SLC6A5: variants seen among roughly 807,000 people sequenced by gnomAD.
The protein encoded by SLC6A5 is solute carrier family 6 member 5.
A neutral mutation model predicts 90.5 loss-of-function variants in SLC6A5; 58 were observed. The ratio of observed to expected loss-of-function variants is 0.64; its 90% CI spans 0.52 to 0.80. SLC6A5 has a LOEUF of 0.80. Ranked by LOEUF, SLC6A5 falls within the 30% of genes least tolerant of loss-of-function variation. The pLI, the probability that SLC6A5 is intolerant of heterozygous loss-of-function variation, is 0.00. For synonymous variants in SLC6A5, 427 were observed against 401.4 expected, an observed-to-expected ratio of 1.06 and a Z score of -0.76; for missense variants, 1,015 against 1,017.6, an observed-to-expected ratio of 1.00 and a Z score of 0.03.
Position 20,599,683 on chromosome 11 carries a change from T to A in SLC6A5, c.3+8T>A, listed in dbSNP as rs756674386. The A allele has an allele frequency of 1.3e-5, 21 of 1,613,938 alleles. No individual in the cohort carries two copies. Among genetic ancestry groups the A allele is most frequent in the Middle Eastern group, 3.3e-4 (2 of 6,084 alleles). On this transcript the variant is annotated splice_region_variant and intron_variant, in intron 1 of 15. Transcript: ENST00000525748. Reference sequence around the variant, plus strand: ...TTGCCTGTGTCAGACATGGTGAGTGTTTGCTTTTGTTCTTTCAAGAGGAAA... The same window carrying A: ...TTGCCTGTGTCAGACATGGTGAGTGATTGCTTTTGTTCTTTCAAGAGGAAA...
chr11:20,615,543 A>G (rs1852768966), intron 6 of SLC6A5, among the ~76,000 whole-genome samples: 1 of 151,922 alleles, frequency 6.6e-6, no homozygotes, highest in South Asian at 2.1e-4. Flanking sequence ...AATTTTTTGT[A>G]CTTTTAGTAG....
In SLC6A5 at chr11:20,607,141, G is replaced by A. The variant is rs1555039131; in HGVS notation, c.811+3G>A. ...GAAGGCCATCCCAGCTCTACAAGGT[G>A]AGTCCAGCCTGCCGCTCAGCCTCCT... On this transcript the variant is annotated splice_donor_region_variant and intron_variant, in intron 4 of 15. Coordinates refer to ENST00000525748, the MANE Select transcript of SLC6A5 (RefSeq NM_004211.5). The A allele has an allele frequency of 3.1e-6, 5 of 1,611,744 alleles. No individual in the cohort carries two copies. The highest frequency in any genetic ancestry group is 4.2e-6 in the Non-Finnish European group (5 of 1,178,928).
intron 13 of SLC6A5, among the ~76,000 whole-genome samples, chr11:20,644,493 AT>A (rs1300176373): frequency 2.6e-5 from 4 of 152,224 alleles, no homozygotes; most frequent in Non-Finnish European, 5.9e-5. Flanking sequence ...ATGTGCACTT[AT>A]GTTGATTCCA....
At chr11:20,607,389 G>GCCTAGACCT in intron 4 of SLC6A5, 90 bp from the exon 5 acceptor site, 2 of 1,440,832 alleles carry the variant, frequency 1.4e-6, no homozygotes, top group Non-Finnish European at 2.0e-6. Context: ...GTACAAGAGA[G>GCCTAGACCT]CCTAGACCTA....
chr11:20,637,082 A>G (rs897544867), intron 11 of SLC6A5, 90 bp from the exon 12 acceptor site: 165 of 1,373,996 alleles, frequency 1.2e-4, no homozygotes, highest in Admixed American at 6.2e-4. Context: ...CACAAATACA[A>G]CTTTCCTGGA....
At chr11:20,604,465 C>A (rs1009548858) in intron 3 of SLC6A5, 41 bp downstream of exon 3, 15 of 1,550,920 alleles carry the variant, frequency 9.7e-6, no homozygotes, top group Non-Finnish European at 1.2e-5. Flanking sequence ...CGGGGCGGGG[C>A]GGGCACCTGA....
chr11:20,608,946 CTCTCTCTCTCTCTGTGTGTGTGTG>C lies in SLC6A5; in HGVS notation c.985+1296_985+1319del, dbSNP rs1365449288. ...TGTCTCTCTCTCTCTCTCTCTCTCT[CTCTCTCTCTCTCTGTGTGTGTGTG>C]TGTGTGTGTGTGTGTGTGTGTTTAA... On this transcript the variant is annotated intron_variant, in intron 5 of 15. Coordinates refer to ENST00000525748, the MANE Select transcript of SLC6A5 (RefSeq NM_004211.5). 1.9e-3 allele frequency among the ~76,000 whole-genome samples: 217 copies of C among 114,168 alleles called. 1 individual carries two copies. Among genetic ancestry groups the C allele is most frequent in the Non-Finnish European group, 3.1e-3 (172 of 56,150 alleles). The allele number at this position is 114,168 out of a possible 152,430, so 74.9% of individuals were successfully genotyped here. A position where few individuals can be genotyped will look rare whatever the true frequency, so the allele number is the denominator to read the frequency against.
intron 5 of SLC6A5, among the ~76,000 whole-genome samples, chr11:20,611,220 C>G (rs918047055): frequency 6.6e-6 from 1 of 152,116 alleles, no homozygotes; most frequent in Non-Finnish European, 1.5e-5. Context: ...CTTGGGAAGC[C>G]AAGGTGGATG....
chr11:20,648,836 T>A (rs1853471855), intron 14 of SLC6A5, among the ~76,000 whole-genome samples: 1 of 152,232 alleles, frequency 6.6e-6, no homozygotes, highest in Non-Finnish European at 1.5e-5. Flanking sequence ...TGTTGTGGTC[T>A]ATATGAGGCA....
In SLC6A5 at chr11:20,655,281, T is replaced by G. The variant is rs1426853815; in HGVS notation, c.*413T>G. The G allele has an allele frequency of 1.1e-5, 3 of 284,426 alleles. No individual in the cohort carries two copies. The Admixed American group carries it at 1.4e-4, about 13-fold the overall frequency. 17.6% of individuals were successfully genotyped at this position (284,426 alleles called of 1,614,324 possible). ...GACTTTATTTGGACTTGAACAGAAC[T>G]GAGCAATGTGGTGATCTTGTTCAGA... On this transcript the variant is annotated 3_prime_UTR_variant, in exon 16 of 16. Coordinates refer to ENST00000525748, the MANE Select transcript of SLC6A5 (RefSeq NM_004211.5).
intron 9 of SLC6A5, among the ~76,000 whole-genome samples, chr11:20,628,455 TCTC>T (rs1359139101): frequency 1.3e-5 from 2 of 152,296 alleles, no homozygotes; most frequent in Admixed American, 6.5e-5. Flanking sequence ...TGTGACCTAA[TCTC>T]CTCTTCTTAT....
At chr11:20,638,438 G>T in intron 12 of SLC6A5, 21 bp from the exon 13 acceptor site, 1 of 1,481,682 alleles carries the variant, frequency 6.7e-7, no homozygotes, top group Non-Finnish European at 9.4e-7. Flanking sequence ...TTTGATATTG[G>T]TTGTTTCTCT....
At chr11:20,650,570 G>A (rs1406802653) in intron 14 of SLC6A5, among the ~76,000 whole-genome samples, 1 of 151,612 alleles carries the variant, frequency 6.6e-6, no homozygotes, top group East Asian at 1.9e-4. Flanking sequence ...TGACATAAAG[G>A]TCCCCTCAGC....
chr11:20,630,750 T>C lies in SLC6A5; in HGVS notation c.1559T>C (p.Ile520Thr). ...ACAAGCATCTTTGCCGGCTTCGTCA[T>C]CTTCTCCGTTATCGGCTTCATGGCC... ...SATSIFAGFV[I>T]FSVIGFMANE... Residue 520 changes from isoleucine (I) to threonine (T), a missense_variant, in exon 10 of 16, where the codon ATC becomes ACC. Ile to Thr is a moderately conservative substitution (Grantham distance 89). Around this residue, in one of 3 missense-constraint regions of SLC6A5, gnomAD observed 442 missense variants for 494.3 expected, o/e 0.89. Coordinates refer to ENST00000525748, the MANE Select transcript of SLC6A5 (RefSeq NM_004211.5). 1 of 1,614,222 alleles carries C rather than the reference T, an allele frequency of 6.2e-7. No homozygotes were observed. Among genetic ancestry groups the C allele is most frequent in the Non-Finnish European group, 8.5e-7 (1 of 1,180,026 alleles).
chr11:20,646,940 G>A lies in SLC6A5; in HGVS notation c.2070+6G>A. The A allele has an allele frequency of 1.9e-6, 3 of 1,589,840 alleles. No individual in the cohort carries two copies. Among genetic ancestry groups the A allele is most frequent in the East Asian group, 2.2e-5 (1 of 44,740 alleles). On this transcript the variant is annotated splice_donor_region_variant and intron_variant, in intron 14 of 15. Coordinates refer to ENST00000525748, the MANE Select transcript of SLC6A5 (RefSeq NM_004211.5). ...TAACCCCAACCATTTTAACCGTAAGGATTTTGCATGTTTTCTTGTGCAGAC... is the reference window on the plus strand; with the variant it reads ...TAACCCCAACCATTTTAACCGTAAGAATTTTGCATGTTTTCTTGTGCAGAC...
chr11:20,634,567 A>G lies in SLC6A5; in HGVS notation c.1625-1740A>G, dbSNP rs142046070. 1.9e-3 allele frequency among the ~76,000 whole-genome samples: 291 copies of G among 152,340 alleles called. 1 individual carries two copies. Among genetic ancestry groups the G allele is most frequent in the African/African-American group, 6.7e-3 (279 of 41,582 alleles). Reference sequence around the variant, plus strand: ...GCTTTACGGGCCTGACTGTCGCCAGAACATTAAACTGACTTCCTTGTTGTT... The same window carrying G: ...GCTTTACGGGCCTGACTGTCGCCAGGACATTAAACTGACTTCCTTGTTGTT... On this transcript the variant is annotated intron_variant, in intron 10 of 15. Coordinates refer to ENST00000525748, the MANE Select transcript of SLC6A5 (RefSeq NM_004211.5).
chr11:20,605,342 T>C (rs1302196437), intron 3 of SLC6A5, among the ~76,000 whole-genome samples: 1 of 152,200 alleles, frequency 6.6e-6, no homozygotes, highest in Non-Finnish European at 1.5e-5. Context: ...TCAGGCGGAA[T>C]TTGTTGCAGC....
chr11:20,601,455 G>A lies in SLC6A5; in HGVS notation c.330G>A (p.Gly110=). The A allele has an allele frequency of 6.2e-7, 1 of 1,609,664 alleles. No individual in the cohort carries two copies. The highest frequency in any genetic ancestry group is 8.5e-7 in the Non-Finnish European group (1 of 1,178,118). Residue 110 remains glycine (G), a synonymous_variant, in exon 2 of 16, where the codon GGG becomes GGA. Coordinates refer to ENST00000525748, the MANE Select transcript of SLC6A5 (RefSeq NM_004211.5). ...AQGAQASPPP[G]SSGPGNALHC... Reference sequence around the variant, plus strand: ...GCGCGCAGGCCTCGCCCCCTCCCGGGAGCTCCGGGCCCGGCAACGCGCTGC... The same window carrying A: ...GCGCGCAGGCCTCGCCCCCTCCCGGAAGCTCCGGGCCCGGCAACGCGCTGC...
rs193071874 is a variant in SLC6A5, at chr11:20,622,071, G to A, written c.1260+4187G>A. On this transcript the variant is annotated intron_variant, in intron 7 of 15. Coordinates refer to ENST00000525748, the MANE Select transcript of SLC6A5 (RefSeq NM_004211.5). Reference sequence around the variant, plus strand: ...TGGAGGTGTCAGGCCAACAGGCTCAGATGGGCGAGTCAGTGTCACTCCTGC... The same window carrying A: ...TGGAGGTGTCAGGCCAACAGGCTCAAATGGGCGAGTCAGTGTCACTCCTGC... 3.0e-3 allele frequency among the ~76,000 whole-genome samples: 451 copies of A among 152,336 alleles called. 5 individuals carry two copies. Among genetic ancestry groups the A allele is most frequent in the African/African-American group, 0.01 (433 of 41,582 alleles).
Sources: gnomAD v4.1 joint callset for allele counts (sites outside exome capture counted in the v4.1 genomes callset) on GRCh38, gnomAD v4.1.1 for gene constraint, gnomAD v4.1.1 regional missense constraint, MANE v1.5 for transcripts, NCBI Gene and HGNC (gene_info 2026-07-23, HGNC 2026-07-21) for gene names.